Variants in TMTC2 observed in about 807,000 individuals in gnomAD.
The protein encoded by TMTC2 is protein O-mannosyl-transferase TMTC2.
TMTC2 carries 43 observed loss-of-function variants against 82.4 expected under a neutral mutation model. That is an observed-to-expected ratio of 0.52 (90% CI 0.41 to 0.67). TMTC2 has a LOEUF of 0.67. Ranked by LOEUF, TMTC2 falls within the 30% of genes least tolerant of loss-of-function variation. The probability of loss-of-function intolerance (pLI) is 0.00; values close to 1 mark genes in which losing one functional copy is unlikely to be tolerated. For synonymous variants in TMTC2, 408 were observed against 381.9 expected, an observed-to-expected ratio of 1.07 and a Z score of -0.80; for missense variants, 919 against 1,012.4, an observed-to-expected ratio of 0.91 and a Z score of 1.25.
chr12:83,060,291 G>T (rs1341513534), intron 10 of TMTC2, among the ~76,000 whole-genome samples: 2 of 151,660 alleles, frequency 1.3e-5, no homozygotes, highest in African/African-American at 4.8e-5. Flanking sequence ...CTACACTCCA[G>T]AGAGATGTTA....
At chr12:83,021,544 A>G (rs76864713) in intron 8 of TMTC2, among the ~76,000 whole-genome samples, 103 of 152,218 alleles carry the variant, frequency 6.8e-4, no homozygotes, top group African/African-American at 2.3e-3. Context: ...GCAGTGAGCT[A>G]TAATCATGCC....
At chr12:83,065,170 CTTGCTGA>C (rs1882873930) in intron 11 of TMTC2, among the ~76,000 whole-genome samples, 1 of 151,944 alleles carries the variant, frequency 6.6e-6, no homozygotes, top group Admixed American at 6.6e-5. Flanking sequence ...CATTAAATAG[CTTGCTGA>C]TTGTCTGTAG....
intron 3 of TMTC2, among the ~76,000 whole-genome samples, chr12:82,915,040 G>A (rs1367306607): frequency 5.9e-5 from 9 of 151,930 alleles, no homozygotes; most frequent in African/African-American, 2.2e-4. Context: ...GGTCAGGCTG[G>A]TCTCGAACTC....
intron 9 of TMTC2, among the ~76,000 whole-genome samples, chr12:83,042,825 A>G (rs1881943974): frequency 6.6e-6 from 1 of 152,142 alleles, no homozygotes; most frequent in Non-Finnish European, 1.5e-5. Context: ...TCTTCACACT[A>G]GACACCTTCC....
At chr12:82,846,195 C>T (rs2137098530) in intron 1 of TMTC2, among the ~76,000 whole-genome samples, 1 of 152,024 alleles carries the variant, frequency 6.6e-6, no homozygotes, top group South Asian at 2.1e-4. Context: ...CCCATCTCTA[C>T]TAAAAATACA....
intron 1 of TMTC2, among the ~76,000 whole-genome samples, chr12:82,764,335 G>C (rs1244670137): frequency 1.3e-5 from 2 of 152,054 alleles, no homozygotes; most frequent in Non-Finnish European, 2.9e-5. Flanking sequence ...ACAGGGTCTC[G>C]CTATGTTGGC....
intron 10 of TMTC2, among the ~76,000 whole-genome samples, chr12:83,053,877 A>G (rs1305262250): frequency 1.3e-5 from 2 of 152,096 alleles, no homozygotes; most frequent in African/African-American, 4.8e-5. Flanking sequence ...CCTGTCATCA[A>G]AGTGCTTCAC....
At chr12:82,892,067 AAAAT>A (rs1215583839) in intron 2 of TMTC2, among the ~76,000 whole-genome samples, 15 of 152,194 alleles carry the variant, frequency 9.9e-5, no homozygotes, top group Admixed American at 5.9e-4. Flanking sequence ...CCCTGTCTTA[AAAAT>A]AAATAAATAG....
intron 1 of TMTC2, among the ~76,000 whole-genome samples, chr12:82,722,269 G>A (rs1215125081): frequency 6.6e-6 from 1 of 151,832 alleles, no homozygotes; most frequent in Non-Finnish European, 1.5e-5. Flanking sequence ...AAATACTAAT[G>A]TGAGGTTGGG....
At chr12:82,998,385 G>A (rs987004322) in intron 8 of TMTC2, among the ~76,000 whole-genome samples, 2 of 151,930 alleles carry the variant, frequency 1.3e-5, no homozygotes, top group African/African-American at 4.8e-5. Flanking sequence ...GAAAAGAGTT[G>A]AACTACTAGT....
chr12:82,745,006 A>G, intron 1 of TMTC2, among the ~76,000 whole-genome samples: 1 of 152,138 alleles, frequency 6.6e-6, no homozygotes, highest in East Asian at 1.9e-4. Context: ...GTTGTCAAAG[A>G]ATGTATACAA....
chr12:83,071,821 T>G (rs946818325), intron 11 of TMTC2, among the ~76,000 whole-genome samples: 1 of 152,162 alleles, frequency 6.6e-6, no homozygotes, highest in African/African-American at 2.4e-5. Context: ...TTGTATGATC[T>G]CTTGTATTTT....
chr12:82,997,408 A>ATATATATATATGTGTATATATATATG (rs1184785070), intron 8 of TMTC2, among the ~76,000 whole-genome samples: 4 of 41,330 alleles, frequency 9.7e-5, no homozygotes, highest in African/African-American at 2.3e-4. Context: ...GTATATATAT[A>ATATATATATATGTGTATATATATATG]TGTGTATATA....
intron 1 of TMTC2, among the ~76,000 whole-genome samples, chr12:82,765,329 G>A (rs12307645): frequency 0.033 from 5,048 of 152,170 alleles, 274 homozygotes; most frequent in African/African-American, 0.11. Flanking sequence ...AGTATGTTGG[G>A]TGTTCTCAAT....
intron 1 of TMTC2, among the ~76,000 whole-genome samples, chr12:82,756,513 T>A (rs1876335350): frequency 6.6e-6 from 1 of 152,166 alleles, no homozygotes; most frequent in African/African-American, 2.4e-5. Flanking sequence ...GCTTCCAGAT[T>A]TGGTCACAGC....
chr12:82,824,163 G>T (rs1379262687), intron 1 of TMTC2, among the ~76,000 whole-genome samples: 2 of 152,066 alleles, frequency 1.3e-5, no homozygotes, highest in Non-Finnish European at 2.9e-5. Flanking sequence ...CAAAGTGCTG[G>T]GATTATAGGC....
chr12:82,759,977 G>T (rs1027081803), intron 1 of TMTC2: 2 of 152,170 alleles, frequency 1.3e-5, no homozygotes, highest in African/African-American at 2.4e-5. Flanking sequence ...TTTTACAGAA[G>T]TACCGTGTAT....
Position 83,115,179 on chromosome 12 carries a change from CTG to C in TMTC2, c.2332-17027_2332-17026del, listed in dbSNP as rs1282283436. ...ATGGGCTGTACAGCTGGAAATCCTT[CTG>C]TGTAATATGATTATGATTGAGAAAG... On this transcript the variant is annotated intron_variant, in intron 11 of 11. Transcript: ENST00000321196. Among the ~76,000 whole-genome samples, 28 of 152,126 alleles carry C rather than the reference CTG, an allele frequency of 1.8e-4. 1 individual carries two copies. Among genetic ancestry groups the C allele is most frequent in the Non-Finnish European group, 2.9e-5 (2 of 68,026 alleles).
chr12:82,917,993 G>A (rs1875116681), intron 3 of TMTC2, among the ~76,000 whole-genome samples: 1 of 152,084 alleles, frequency 6.6e-6, no homozygotes, highest in African/African-American at 2.4e-5. Flanking sequence ...AACCTCCCAG[G>A]CTGAAGGCAT....
Sources: gnomAD v4.1 joint callset for allele counts (sites outside exome capture counted in the v4.1 genomes callset) on GRCh38, gnomAD v4.1.1 for gene constraint, MANE v1.5 for transcripts, NCBI Gene and HGNC (gene_info 2026-07-23, HGNC 2026-07-21) for gene names.